Variants in TRPS1 observed in about 807,000 individuals in gnomAD.
The protein encoded by TRPS1 is zinc finger transcription factor Trps1.
In TRPS1, 6 loss-of-function variants were observed where a neutral mutation model predicts 101.2. The observed-to-expected ratio is 0.06, with a 90% CI of 0.03 to 0.12. TRPS1 has a LOEUF of 0.12. Among genes scored for constraint, TRPS1 ranks in the 10% least tolerant of loss-of-function variants. The probability of loss-of-function intolerance (pLI) is 1.00; values close to 1 mark genes in which losing one functional copy is unlikely to be tolerated. For synonymous variants in TRPS1, 578 were observed against 589.8 expected, an observed-to-expected ratio of 0.98 and a Z score of 0.29; for missense variants, 1,363 against 1,567.0, an observed-to-expected ratio of 0.87 and a Z score of 2.20.
intron 5 of TRPS1, among the ~76,000 whole-genome samples, chr8:115,436,508 T>G (rs1813458127): frequency 1.3e-5 from 2 of 152,248 alleles, no homozygotes; most frequent in South Asian, 4.1e-4. Context: ...CCACACTGGC[T>G]CTGGTGTACA....
intron 5 of TRPS1, among the ~76,000 whole-genome samples, chr8:115,518,020 A>AC (rs1435427553): frequency 0.021 from 2 of 94 alleles, no homozygotes; most frequent in Non-Finnish European, 0.05. Flanking sequence ...CCAAACATCC[A>AC]CCAGTGTAGG....
intron 1 of TRPS1, among the ~76,000 whole-genome samples, chr8:115,657,858 A>G (rs980773326): frequency 1.3e-5 from 2 of 152,094 alleles, no homozygotes; most frequent in Non-Finnish European, 2.9e-5. Flanking sequence ...AAATAAAATA[A>G]AGTATGTAAG....
At chr8:115,653,640 A>T (rs999713272) in intron 1 of TRPS1, among the ~76,000 whole-genome samples, 3 of 152,214 alleles carry the variant, frequency 2.0e-5, no homozygotes, top group African/African-American at 4.8e-5. Flanking sequence ...TTTCACCTGA[A>T]AGAAACATTA....
chr8:115,547,969 A>G (rs1162802833), intron 5 of TRPS1, among the ~76,000 whole-genome samples: 1 of 152,074 alleles, frequency 6.6e-6, no homozygotes, highest in Non-Finnish European at 1.5e-5. Flanking sequence ...AGTGGCTCAC[A>G]TCAGTAATCC....
chr8:115,533,574 C>A (rs1259004323), intron 5 of TRPS1, among the ~76,000 whole-genome samples: 1 of 151,112 alleles, frequency 6.6e-6, no homozygotes, highest in Non-Finnish European at 1.5e-5. Context: ...AACTCTACAC[C>A]TGCTTTTGCC....
chr8:115,459,346 A>AATAATAATAATAATAATG (rs745311494), intron 5 of TRPS1, among the ~76,000 whole-genome samples: 3 of 151,828 alleles, frequency 2.0e-5, no homozygotes, highest in Non-Finnish European at 4.4e-5. Flanking sequence ...TAATAATAAT[A>AATAATAATAATAATAATG]ATGATGTTAC....
intron 5 of TRPS1, among the ~76,000 whole-genome samples, chr8:115,570,942 T>C (rs892082069): frequency 4.6e-5 from 7 of 152,364 alleles, no homozygotes; most frequent in Admixed American, 3.9e-4. Flanking sequence ...GCAGTCAGTG[T>C]TGCCAGCCAT....
chr8:115,645,705 C>T (rs1819009746), intron 1 of TRPS1, among the ~76,000 whole-genome samples: 1 of 152,092 alleles, frequency 6.6e-6, no homozygotes, highest in East Asian at 1.9e-4. Flanking sequence ...GGTACTAATA[C>T]AAATATTTTT....
chr8:115,420,252 G>T (rs190449697), intron 5 of TRPS1, among the ~76,000 whole-genome samples: 1 of 152,170 alleles, frequency 6.6e-6, no homozygotes, highest in Non-Finnish European at 1.5e-5. Context: ...AAGTCCCAGT[G>T]AAGGCCTACT....
intron 5 of TRPS1, among the ~76,000 whole-genome samples, chr8:115,435,337 G>A (rs1813421428): frequency 6.6e-6 from 1 of 152,258 alleles, no homozygotes; most frequent in South Asian, 2.1e-4. Flanking sequence ...TAGCACCCAA[G>A]GGTGATAATG....
rs1010600059 is a variant in TRPS1 at position 115,603,959 on chromosome 8, C to T, written c.2010G>A (p.Gln670=). 1.2e-6 allele frequency: 2 copies of T among 1,614,006 alleles called. No individual in the cohort carries two copies. The highest frequency in any genetic ancestry group is 1.7e-6 in the Non-Finnish European group (2 of 1,179,974). The change falls in exon 4 of 7, where the codon CAG becomes CAA. Residue 670 remains glutamine (Q), a synonymous_variant. Coordinates refer to ENST00000395715, the MANE Select transcript of TRPS1 (RefSeq NM_014112.5). ...GTTCTTTGCTTTCCTTGACAGACTG[C>T]TGCCCATCCGATCCTTGCAGGTGAT... ...EANHLQGSDG[Q]QSVKESKEHS...
intron 5 of TRPS1, among the ~76,000 whole-genome samples, chr8:115,445,234 C>A (rs1465593601): frequency 6.6e-6 from 1 of 152,182 alleles, no homozygotes; most frequent in African/African-American, 2.4e-5. Flanking sequence ...GCTCAAGACT[C>A]CACGTTCCAT....
chr8:115,665,375 CTAA>C (rs1811897119), intron 1 of TRPS1, among the ~76,000 whole-genome samples: 1 of 152,096 alleles, frequency 6.6e-6, no homozygotes. Context: ...ACATATACAT[CTAA>C]TAATAGTAGT....
intron 5 of TRPS1, among the ~76,000 whole-genome samples, chr8:115,425,925 C>G (rs941687379): frequency 2.0e-5 from 3 of 152,196 alleles, no homozygotes; most frequent in African/African-American, 7.2e-5. Flanking sequence ...GTTCTAACCA[C>G]GCTGTTTCTG....
chr8:115,418,598 G>A lies in TRPS1; in HGVS notation c.2701-146C>T. Reference sequence around the variant, plus strand: ...CCATAATGAGGTCAGGTTCAATTGTGTTTAATAGGCACCACTGATTTTCAT... The same window carrying A: ...CCATAATGAGGTCAGGTTCAATTGTATTTAATAGGCACCACTGATTTTCAT... On this transcript the variant is annotated intron_variant, in intron 5 of 6. Coordinates refer to ENST00000395715, the MANE Select transcript of TRPS1 (RefSeq NM_014112.5). The surrounding 1 kb of genome is among the most constrained non-coding windows in gnomAD (Gnocchi z 4.3). The A allele has an allele frequency of 9.4e-7, 1 of 1,066,976 alleles. No homozygotes were observed. Among genetic ancestry groups the A allele is most frequent in the South Asian group, 1.3e-5 (1 of 75,624 alleles). The allele number at this position is 1,066,976 out of a possible 1,614,324, so 66.1% of individuals were successfully genotyped here.
intron 1 of TRPS1, among the ~76,000 whole-genome samples, chr8:115,643,001 C>T (rs886890594): frequency 3.9e-5 from 6 of 151,926 alleles, no homozygotes; most frequent in African/African-American, 1.5e-4. Flanking sequence ...TTTGGTTTCC[C>T]AGTGCATATA....
Position 115,619,363 on chromosome 8 carries a change from G to A in TRPS1, c.735C>T (p.Tyr245=), listed in dbSNP as rs199888153. ...TAATCAGATCTGTGGGGTCGTTGCC[G>A]TAGTAACCATATCCACAGATATTGC... ...FKCNICGYGY[Y]GNDPTDLIKH... The change falls in exon 3 of 7, where the codon TAC becomes TAT. Residue 245 remains tyrosine, a synonymous_variant. Coordinates refer to ENST00000395715, the MANE Select transcript of TRPS1 (RefSeq NM_014112.5). The A allele has an allele frequency of 2.2e-5, 35 of 1,614,146 alleles. No individual in the cohort carries two copies. The highest frequency in any genetic ancestry group is 1.6e-4 in the Middle Eastern group (1 of 6,062).
At chr8:115,451,305 A>G (rs555264883) in intron 5 of TRPS1, among the ~76,000 whole-genome samples, 1 of 151,968 alleles carries the variant, frequency 6.6e-6, no homozygotes, top group Non-Finnish European at 1.5e-5. Flanking sequence ...TTCCTCATTC[A>G]TTCAACATTC....
At chr8:115,625,276 C>T (rs1480568432) in intron 1 of TRPS1, among the ~76,000 whole-genome samples, 1 of 151,890 alleles carries the variant, frequency 6.6e-6, no homozygotes, top group Non-Finnish European at 1.5e-5. Context: ...TTTAAATCAC[C>T]TGCTCGTGTG....
Sources: allele counts gnomAD v4.1 joint callset (sites outside exome capture counted in the v4.1 genomes callset), GRCh38; gene constraint gnomAD v4.1.1; non-coding constraint Gnocchi (gnomAD v3.1); transcripts MANE v1.5; gene names NCBI Gene and HGNC (gene_info 2026-07-23, HGNC 2026-07-21).